Variants in KCNG3 observed in about 807,000 individuals in gnomAD.
KCNG3 encodes voltage-gated potassium channel regulatory subunit KCNG3.
In KCNG3, 15 loss-of-function variants were observed where a neutral mutation model predicts 29.0. That is an observed-to-expected ratio of 0.52 (90% CI 0.35 to 0.80). KCNG3 has a LOEUF of 0.80. KCNG3 is among the 30% of genes least tolerant of loss of function. The pLI, the probability that KCNG3 is intolerant of heterozygous loss-of-function variation, is 0.01. For synonymous variants in KCNG3, 322 were observed against 248.9 expected, an observed-to-expected ratio of 1.29 and a Z score of -2.76; for missense variants, 512 against 605.7, an observed-to-expected ratio of 0.85 and a Z score of 1.62.
At chr2:42,432,946 A>C in the KCNG3 span, among the ~76,000 whole-genome samples, 3 of 144,376 alleles carry the variant, frequency 2.1e-5, no homozygotes, top group African/African-American at 5.2e-5. Flanking sequence ...AAAAAAAAAA[A>C]AACAAAAAAA....
At chr2:42,432,572 T>G in the KCNG3 span, among the ~76,000 whole-genome samples, 1 of 152,176 alleles carries the variant, frequency 6.6e-6, no homozygotes, top group African/African-American at 2.4e-5. Context: ...TAACTGAGTT[T>G]GAGAAGCATG....
intron 1 of KCNG3, among the ~76,000 whole-genome samples, chr2:42,450,559 T>C (rs982388454): frequency 1.3e-5 from 2 of 152,216 alleles, no homozygotes; most frequent in African/African-American, 4.8e-5. Flanking sequence ...TACATCACAT[T>C]CCTTTGAAGC....
chr2:42,464,721 C>A (rs1673098938), intron 1 of KCNG3, among the ~76,000 whole-genome samples: 2 of 152,188 alleles, frequency 1.3e-5, no homozygotes, highest in African/African-American at 4.8e-5. Context: ...GCCTTCAAGT[C>A]TGAGCTCAAG....
chr2:42,404,366 A>T, the KCNG3 span, among the ~76,000 whole-genome samples: 1 of 152,216 alleles, frequency 6.6e-6, no homozygotes, highest in Non-Finnish European at 1.5e-5. Flanking sequence ...AGGCTAGAGA[A>T]GTGAGCTCTA....
At chr2:42,466,804 G>A (rs1310816560) in intron 1 of KCNG3, among the ~76,000 whole-genome samples, 1 of 148,964 alleles carries the variant, frequency 6.7e-6, no homozygotes, top group Non-Finnish European at 1.5e-5. Flanking sequence ...CCAGGCTGGA[G>A]TGCAGTGGTG....
the KCNG3 span, among the ~76,000 whole-genome samples, chr2:42,420,246 AAAAAT>A: frequency 1.3e-5 from 2 of 152,166 alleles, no homozygotes; most frequent in African/African-American, 4.8e-5. Flanking sequence ...AATAAAAAAT[AAAAAT>A]AAAATAAAAG....
chr2:42,393,551 A>G, the KCNG3 span, among the ~76,000 whole-genome samples: 1 of 151,758 alleles, frequency 6.6e-6, no homozygotes, highest in East Asian at 1.9e-4. Flanking sequence ...ATAGAGTGAG[A>G]CTCTGTCTCA....
the KCNG3 span, among the ~76,000 whole-genome samples, chr2:42,429,255 C>CT: frequency 5.3e-5 from 8 of 152,126 alleles, no homozygotes; most frequent in African/African-American, 1.9e-4. Flanking sequence ...GGGAGAGGAA[C>CT]TTTAAGTGTA....
chr2:42,391,566 C>T, the KCNG3 span, among the ~76,000 whole-genome samples: 4 of 147,872 alleles, frequency 2.7e-5, no homozygotes, highest in African/African-American at 1.0e-4. Flanking sequence ...CTAGCATACA[C>T]TTGTCTCTCT....
At chr2:42,452,243 A>ATTTTTT (rs771771721) in intron 1 of KCNG3, among the ~76,000 whole-genome samples, 20 of 95,036 alleles carry the variant, frequency 2.1e-4, no homozygotes, top group Admixed American at 4.3e-4. Flanking sequence ...ATATATATAT[A>ATTTTTT]TTTTTTTTTT....
At chr2:42,458,853 G>C (rs1440783276) in intron 1 of KCNG3, among the ~76,000 whole-genome samples, 1 of 151,762 alleles carries the variant, frequency 6.6e-6, no homozygotes, top group East Asian at 1.9e-4. Context: ...ATGTCAGTGT[G>C]GGGTAGGCTT....
chr2:42,400,165 G>A, the KCNG3 span, among the ~76,000 whole-genome samples: 2 of 152,086 alleles, frequency 1.3e-5, no homozygotes, highest in Non-Finnish European at 2.9e-5. Flanking sequence ...TCTTAGTCCT[G>A]TCCAATAGGT....
chr2:42,398,984 C>T, the KCNG3 span, among the ~76,000 whole-genome samples: 92,708 of 151,410 alleles, frequency 0.61, 29,154 homozygotes, highest in African/African-American at 0.73. Context: ...CTTTTGTGAA[C>T]TGCCTGTTCA....
chr2:42,484,119 A>G (rs377020808), intron 1 of KCNG3, among the ~76,000 whole-genome samples: 72 of 152,306 alleles, frequency 4.7e-4, no homozygotes, highest in African/African-American at 1.6e-3. Flanking sequence ...TAAGTAAAAA[A>G]GGCCAATTGC....
rs541081054 is a variant in KCNG3 at position 42,454,274 on chromosome 2, A to G, written c.666-9695T>C. Reference sequence around the variant, plus strand: ...GTATATATCCAAAAAAATTGAAAGCAGGGTCTTAAAGAAATATTTGCACAC... The same window carrying G: ...GTATATATCCAAAAAAATTGAAAGCGGGGTCTTAAAGAAATATTTGCACAC... On this transcript the variant is annotated intron_variant, in intron 1 of 1. Coordinates refer to ENST00000306078, the MANE Select transcript of KCNG3 (RefSeq NM_133329.6). Among the ~76,000 whole-genome samples the G allele has an allele frequency of 1.4e-3, 214 of 152,354 alleles. 1 individual carries two copies. Among genetic ancestry groups the G allele is most frequent in the African/African-American group, 5.0e-3 (207 of 41,582 alleles).
At chr2:42,433,073 T>C in the KCNG3 span, among the ~76,000 whole-genome samples, 3 of 152,092 alleles carry the variant, frequency 2.0e-5, no homozygotes, top group Non-Finnish European at 2.9e-5. Flanking sequence ...CTGCAATTTT[T>C]CCCCCAAGAT....
chr2:42,393,261 A>G, the KCNG3 span, among the ~76,000 whole-genome samples: 1 of 146,736 alleles, frequency 6.8e-6, no homozygotes, highest in South Asian at 2.3e-4. Context: ...TATCTCTTAC[A>G]TTAAAAAAAA....
Position 42,442,397 on chromosome 2 carries a change from T to C in KCNG3, c.*1537A>G, listed in dbSNP as rs999463255. Reference sequence around the variant, plus strand: ...GTGAAGATTAACCTGCTGGGCTAGGTTTCTGGAGATCCAGGTGTTAGCCCT... The same window carrying C: ...GTGAAGATTAACCTGCTGGGCTAGGCTTCTGGAGATCCAGGTGTTAGCCCT... On this transcript the variant is annotated 3_prime_UTR_variant, in exon 2 of 2. Coordinates refer to ENST00000306078, the MANE Select transcript of KCNG3 (RefSeq NM_133329.6). 3.3e-5 allele frequency: 5 copies of C among 152,224 alleles called. No individual in the cohort carries two copies. The highest frequency in any genetic ancestry group is 1.2e-4 in the African/African-American group (5 of 41,454). The allele number at this position is 152,224 out of a possible 1,614,324, so 9.4% of individuals were successfully genotyped here.
chr2:42,406,240 A>T, the KCNG3 span, among the ~76,000 whole-genome samples: 1 of 149,844 alleles, frequency 6.7e-6, no homozygotes, highest in Non-Finnish European at 1.5e-5. Context: ...TTTTTTTAAG[A>T]TGGAGTTTCA....
Sources: allele counts gnomAD v4.1 joint callset (sites outside exome capture counted in the v4.1 genomes callset), GRCh38; gene constraint gnomAD v4.1.1; transcripts MANE v1.5; gene names NCBI Gene and HGNC (gene_info 2026-07-23, HGNC 2026-07-21).